The following CIDEA variants were observed in gnomAD, a reference collection of about 807,000 sequenced individuals.
The protein encoded by CIDEA is lipid transferase CIDEA.
CIDEA carries 10 observed loss-of-function variants against 18.2 expected under a neutral mutation model. The observed-to-expected ratio is 0.55, with a 90% CI of 0.34 to 0.93. The LOEUF (loss-of-function observed/expected upper bound fraction) is 0.93, where lower values mean the gene tolerates loss of function less well. Among genes scored for constraint, CIDEA ranks in the 40% least tolerant of loss-of-function variants. The probability of loss-of-function intolerance (pLI) is 0.02; values close to 1 mark genes in which losing one functional copy is unlikely to be tolerated. For synonymous variants in CIDEA, 128 were observed against 124.8 expected, an observed-to-expected ratio of 1.03 and a Z score of -0.17; for missense variants, 309 against 293.1, an observed-to-expected ratio of 1.05 and a Z score of -0.40.
rs541239284 is a variant in CIDEA, at chr18:12,277,377, G to A, written c.*107G>A. On this transcript the variant is annotated 3_prime_UTR_variant, in exon 5 of 5. Transcript: ENST00000320477. Reference sequence around the variant, plus strand: ...TCTGAGCCACATGCACTTGGAGGCCGCTGGTCACGCTGCTCAGGAGTGGTG... The same window carrying A: ...TCTGAGCCACATGCACTTGGAGGCCACTGGTCACGCTGCTCAGGAGTGGTG... 2.9e-5 allele frequency: 35 copies of A among 1,201,070 alleles called. No individual in the cohort carries two copies. The highest frequency in any genetic ancestry group is 2.2e-4 in the Middle Eastern group (1 of 4,606). The allele number at this position is 1,201,070 out of a possible 1,614,324, so 74.4% of individuals were successfully genotyped here.
At chr18:12,265,525 C>T (rs1912324809) in intron 3 of CIDEA, among the ~76,000 whole-genome samples, 1 of 152,242 alleles carries the variant, frequency 6.6e-6, no homozygotes, top group Admixed American at 6.5e-5. Context: ...GAGCTCTCTC[C>T]TGGCAATTTG....
intron 1 of CIDEA, among the ~76,000 whole-genome samples, chr18:12,256,983 A>G (rs1024231808): frequency 6.6e-6 from 1 of 152,160 alleles, no homozygotes; most frequent in African/African-American, 2.4e-5. Context: ...GTCACGTCCA[A>G]GAGCCCTAGG....
chr18:12,271,166 T>G (rs1283607103), intron 3 of CIDEA, among the ~76,000 whole-genome samples: 1 of 152,144 alleles, frequency 6.6e-6, no homozygotes, highest in Non-Finnish European at 1.5e-5. Context: ...CCCACCGTGC[T>G]AGGATTACAG....
intron 1 of CIDEA, among the ~76,000 whole-genome samples, chr18:12,256,054 A>G (rs896077872): frequency 2.0e-5 from 3 of 152,136 alleles, no homozygotes; most frequent in African/African-American, 7.2e-5. Flanking sequence ...AGGCTGAACT[A>G]CTGTCATTCT....
At chr18:12,267,564 G>A (rs908084106) in intron 3 of CIDEA, among the ~76,000 whole-genome samples, 12 of 152,204 alleles carry the variant, frequency 7.9e-5, no homozygotes, top group African/African-American at 2.9e-4. Context: ...CATGATCTCG[G>A]CTCACTGCAA....
intron 1 of CIDEA, among the ~76,000 whole-genome samples, chr18:12,258,848 TGAGGG>T (rs1484946407): frequency 6.6e-6 from 1 of 152,200 alleles, no homozygotes; most frequent in Non-Finnish European, 1.5e-5. Context: ...TCACCCTCCT[TGAGGG>T]GACTTCAGCT....
intron 3 of CIDEA, among the ~76,000 whole-genome samples, chr18:12,271,839 C>T (rs890807007): frequency 9.2e-5 from 14 of 151,904 alleles, no homozygotes; most frequent in Non-Finnish European, 1.6e-4. Context: ...GTGTCTCGCT[C>T]CCCGGTCCCA....
chr18:12,258,488 G>C (rs1415795561), intron 1 of CIDEA, among the ~76,000 whole-genome samples: 1 of 152,216 alleles, frequency 6.6e-6, no homozygotes, highest in Non-Finnish European at 1.5e-5. Flanking sequence ...GCTGACAGGC[G>C]CTGTGGGAAA....
chr18:12,262,730 G>C, intron 1 of CIDEA, 95 bp from the exon 2 acceptor site: 2 of 1,173,202 alleles, frequency 1.7e-6, no homozygotes, highest in East Asian at 4.8e-5. Context: ...CTTTCTTTTA[G>C]ATGCAAATAT....
chr18:12,254,729 C>T, intron 1 of CIDEA: 1 of 1,459,748 alleles, frequency 6.9e-7, no homozygotes, highest in Non-Finnish European at 9.2e-7. Flanking sequence ...TGACAGCTGG[C>T]GAGTGGCTGC....
chr18:12,271,808 G>A (rs1168268266), intron 3 of CIDEA, among the ~76,000 whole-genome samples: 1 of 151,940 alleles, frequency 6.6e-6, no homozygotes, highest in Non-Finnish European at 1.5e-5. Flanking sequence ...CCAGAACGCT[G>A]GAGCAGGAAG....
chr18:12,254,825 G>A (rs1239898985), intron 1 of CIDEA: 12 of 1,339,674 alleles, frequency 9.0e-6, no homozygotes, highest in Non-Finnish European at 1.2e-5. Context: ...CGATGCGAGG[G>A]GACCGGGCTT....
rs1171359254 is a variant in CIDEA at position 12,274,145 on chromosome 18, G to C, written c.383G>C (p.Arg128Thr). The C allele has an allele frequency of 6.2e-7, 1 of 1,614,204 alleles. No homozygotes were observed. The highest frequency in any genetic ancestry group is 8.5e-7 in the Non-Finnish European group (1 of 1,180,032). Reference protein sequence around the residue: ...CSPPKRSGIARVTFDLYRLNP... With the variant: ...CSPPKRSGIATVTFDLYRLNP... Reference sequence around the variant, plus strand: ...CCGCCGAAGAGGTCGGGAATAGCGAGAGTCACCTTCGACTTGTACAGGCTG... The same window carrying C: ...CCGCCGAAGAGGTCGGGAATAGCGACAGTCACCTTCGACTTGTACAGGCTG... Residue 128 changes from arginine to threonine, a missense_variant, in exon 4 of 5, where the codon AGA becomes ACA. Arg to Thr is a moderately conservative substitution (Grantham distance 71). Coordinates refer to ENST00000320477, the MANE Select transcript of CIDEA (RefSeq NM_001279.4).
intron 1 of CIDEA, among the ~76,000 whole-genome samples, chr18:12,258,714 C>T (rs904300575): frequency 2.6e-5 from 4 of 152,242 alleles, no homozygotes; most frequent in East Asian, 1.9e-4. Context: ...GCTGCCCTGA[C>T]GATTCGCCTC....
chr18:12,254,476 G>A (rs150627237), intron 1 of CIDEA, 55 bp downstream of exon 1: 1 of 1,578,750 alleles, frequency 6.3e-7, no homozygotes. Context: ...CTTGCGTTCG[G>A]TGGCCTCATA....
intron 3 of CIDEA, among the ~76,000 whole-genome samples, 200 bp downstream of exon 3, chr18:12,264,653 A>G (rs4797658): frequency 6.6e-6 from 1 of 151,068 alleles, no homozygotes; most frequent in Non-Finnish European, 1.5e-5. Context: ...TCCCGGGTTC[A>G]CGCCATTCTC....
At position 12,272,243 on chromosome 18, in the gene CIDEA, C is replaced by T. The variant is rs1275634695; in HGVS notation, c.331-1850C>T. Among the ~76,000 whole-genome samples the T allele has an allele frequency of 2.0e-5, 3 of 150,020 alleles. No homozygotes were observed. The Admixed American group carries it at 2.0e-4, about 10-fold the overall frequency. On this transcript the variant is annotated intron_variant, in intron 3 of 4. Coordinates refer to ENST00000320477, the MANE Select transcript of CIDEA (RefSeq NM_001279.4). ...GTTCGTTTGTTTTGAGATGGAGCCTCACTCTGTCGCCCAGGCTGGAGTGCA... is the reference window on the plus strand; with the variant it reads ...GTTCGTTTGTTTTGAGATGGAGCCTTACTCTGTCGCCCAGGCTGGAGTGCA...
chr18:12,260,430 C>T (rs1247416014), intron 1 of CIDEA, among the ~76,000 whole-genome samples: 1 of 152,250 alleles, frequency 6.6e-6, no homozygotes, highest in Admixed American at 6.5e-5. Context: ...AAGTGACCCT[C>T]CTGCCTCAGC....
intron 2 of CIDEA, chr18:12,263,972 T>G (rs1042312046): frequency 5.1e-6 from 1 of 195,666 alleles, no homozygotes. Context: ...TGCAATGGCA[T>G]GTACTTGTAG....
Sources: allele counts gnomAD v4.1 joint callset (sites outside exome capture counted in the v4.1 genomes callset), GRCh38; gene constraint gnomAD v4.1.1; transcripts MANE v1.5; gene names NCBI Gene and HGNC (gene_info 2026-07-23, HGNC 2026-07-21).